The following NOS1 variants were observed in gnomAD, a reference collection of about 807,000 sequenced individuals.
NOS1 encodes nitric oxide synthase 1.
Under a neutral mutation model 164.5 loss-of-function variants are expected in NOS1, and 51 were observed. The observed-to-expected ratio is 0.31, with a 90% confidence interval of 0.25 to 0.39. The LOEUF (loss-of-function observed/expected upper bound fraction) is 0.39, where lower values mean the gene tolerates loss of function less well. Among genes scored for constraint, NOS1 ranks in the 10% least tolerant of loss-of-function variants. The pLI, the probability that NOS1 is intolerant of heterozygous loss-of-function variation, is 1.00. For missense variants in NOS1, 1,362 were observed against 1,885.6 expected (o/e 0.72, Z 5.14); for synonymous variants, 719 against 745.8 (o/e 0.96, Z 0.59).
intron 21 of NOS1, among the ~76,000 whole-genome samples, chr12:117,233,674 G>T (rs572219326): frequency 6.6e-6 from 1 of 151,908 alleles, no homozygotes; most frequent in Non-Finnish European, 1.5e-5. Context: ...TGGGTGTGGT[G>T]GCACGCGCCT....
intron 2 of NOS1, among the ~76,000 whole-genome samples, chr12:117,321,079 G>A (rs957405497): frequency 9.2e-5 from 14 of 152,132 alleles, no homozygotes; most frequent in African/African-American, 3.4e-4. Flanking sequence ...GCACGGTCTC[G>A]GCTCACGGCA....
chr12:117,265,452 A>C lies in NOS1; in HGVS notation c.2000T>G (p.Met667Arg). The change falls in exon 12 of 29, where the codon ATG becomes AGG. Residue 667 changes from methionine (M) to arginine (R), a missense_variant. Met to Arg is a moderately conservative substitution (Grantham distance 91, BLOSUM62 -1). Around this residue, in one of 4 missense-constraint regions of NOS1, gnomAD observed 737 missense variants for 1,030.3 expected, o/e 0.72. Coordinates refer to ENST00000317775, the MANE Select transcript of NOS1 (RefSeq NM_000620.5). Reference sequence around the variant, plus strand: ...CCCCCGGCAGCGGTACTCATTCTCCATGTGCTTAATGAAGGACTCGGTGGC... The same window carrying C: ...CCCCCGGCAGCGGTACTCATTCTCCCTGTGCTTAATGAAGGACTCGGTGGC... Reference protein sequence around the residue: ...HSATESFIKHMENEYRCRGGC... With the variant: ...HSATESFIKHRENEYRCRGGC... The C allele has an allele frequency of 8.8e-6, 14 of 1,585,934 alleles. No homozygotes were observed. Among genetic ancestry groups the C allele is most frequent in the Non-Finnish European group, 1.2e-5 (14 of 1,166,746 alleles).
At chr12:117,347,331 A>C (rs1161130246) in intron 1 of NOS1, among the ~76,000 whole-genome samples, 3 of 152,026 alleles carry the variant, frequency 2.0e-5, no homozygotes, top group Non-Finnish European at 2.9e-5. Context: ...CAAACAAACA[A>C]AAAACTGGAG....
At chr12:117,219,709 TCTC>T (rs1231106012) in intron 27 of NOS1, among the ~76,000 whole-genome samples, 1 of 152,088 alleles carries the variant, frequency 6.6e-6, no homozygotes, top group Non-Finnish European at 1.5e-5. Context: ...GCTCCACAGT[TCTC>T]CTCGGATCTC....
rs1184998480 is a variant in NOS1 at position 117,214,638 on chromosome 12, AC to A, written c.*670del. 8.1e-6 allele frequency: 8 copies of A among 985,170 alleles called. No individual in the cohort carries two copies. The highest frequency in any genetic ancestry group is 9.6e-6 in the Non-Finnish European group (8 of 829,920). 61.0% of individuals were successfully genotyped at this position (985,170 alleles called of 1,614,324 possible). A position where few individuals can be genotyped will look rare whatever the true frequency, so the allele number is the denominator to read the frequency against. On this transcript the variant is annotated 3_prime_UTR_variant, in exon 29 of 29. Coordinates refer to ENST00000317775, the MANE Select transcript of NOS1 (RefSeq NM_000620.5). ...TCCCACTCCTCTCCCCATGCCCTGA[AC>A]CCTTTCTAACTAGAACAATTATGGG... is the stretch of plus-strand genomic sequence containing the variant.
intron 9 of NOS1, among the ~76,000 whole-genome samples, chr12:117,273,969 A>G (rs1395710193): frequency 3.3e-5 from 5 of 152,170 alleles, no homozygotes; most frequent in African/African-American, 1.2e-4. Context: ...AACACACAGG[A>G]TTATATTAAA....
chr12:117,235,322 A>G (rs1037263650), intron 20 of NOS1, among the ~76,000 whole-genome samples: 2 of 152,176 alleles, frequency 1.3e-5, no homozygotes, highest in Non-Finnish European at 2.9e-5. Context: ...AGTATTGGGC[A>G]TAACTCCTCA....
chr12:117,253,177 A>C (rs1367563727), intron 17 of NOS1, among the ~76,000 whole-genome samples: 1 of 152,122 alleles, frequency 6.6e-6, no homozygotes, highest in East Asian at 1.9e-4. Flanking sequence ...TTCCATCGGA[A>C]TCTCTGGAGA....
At position 117,208,672 on chromosome 12, in the gene NOS1, A is replaced by G. The variant is rs1200063447; in HGVS notation, c.*6637T>C. ...GTGAGTCTTAATCAGAACCAACACC[A>G]AGGACACAGTGTCTTATTGAAACAG... On this transcript the variant is annotated 3_prime_UTR_variant, in exon 29 of 29. Coordinates refer to ENST00000317775, the MANE Select transcript of NOS1 (RefSeq NM_000620.5). The G allele has an allele frequency of 1.8e-6, 2 of 1,094,880 alleles. No homozygotes were observed. The highest frequency in any genetic ancestry group is 2.2e-6 in the Non-Finnish European group (2 of 892,684). The allele number at this position is 1,094,880 out of a possible 1,614,324, so 67.8% of individuals were successfully genotyped here. A position where few individuals can be genotyped will look rare whatever the true frequency, so the allele number is the denominator to read the frequency against.
chr12:117,360,107 G>A (rs12828499), intron 1 of NOS1, among the ~76,000 whole-genome samples: 1 of 151,102 alleles, frequency 6.6e-6, no homozygotes, highest in Non-Finnish European at 1.5e-5. Context: ...ACAAGTAAAG[G>A]GTCGATCTAG....
chr12:117,236,821 G>A (rs937013277), intron 20 of NOS1, among the ~76,000 whole-genome samples: 1 of 152,202 alleles, frequency 6.6e-6, no homozygotes, highest in Non-Finnish European at 1.5e-5. Flanking sequence ...TAGCTCACGA[G>A]CACAGCCACC....
In NOS1 at chr12:117,214,881, A is replaced by G. The variant is rs778485210; in HGVS notation, c.*428T>C. 8.1e-5 allele frequency: 80 copies of G among 991,080 alleles called. No homozygotes were observed. The highest frequency in any genetic ancestry group is 9.3e-5 in the Non-Finnish European group (78 of 835,044). The allele number at this position is 991,080 out of a possible 1,614,324, so 61.4% of individuals were successfully genotyped here. A position where few individuals can be genotyped will look rare whatever the true frequency, so the allele number is the denominator to read the frequency against. Reference sequence around the variant, plus strand: ...CACACACACACAGGCACGCACAACCAAAATGTCATCATAAAAAAGGAGAAA... The same window carrying G: ...CACACACACACAGGCACGCACAACCGAAATGTCATCATAAAAAAGGAGAAA... On this transcript the variant is annotated 3_prime_UTR_variant, in exon 29 of 29. Transcript: ENST00000317775.
rs1329684190 is a variant in NOS1 at position 117,258,968 on chromosome 12, C to T, written c.2472+58G>A. 2.4e-6 allele frequency: 3 copies of T among 1,253,492 alleles called. No homozygotes were observed. The African/African-American group carries it at 4.4e-5, about 18-fold the overall frequency. 77.6% of individuals were successfully genotyped at this position (1,253,492 alleles called of 1,614,324 possible). ...GGTGTAGGAAGAGTCTCAACCTTGG[C>T]CCCTACTTCTTCCTGATGATGGAAC... On this transcript the variant is annotated intron_variant, in intron 15 of 28. Coordinates refer to ENST00000317775, the MANE Select transcript of NOS1 (RefSeq NM_000620.5).
intron 2 of NOS1, among the ~76,000 whole-genome samples, chr12:117,315,453 A>G (rs1475385634): frequency 6.6e-6 from 1 of 152,158 alleles, no homozygotes; most frequent in Non-Finnish European, 1.5e-5. Flanking sequence ...GCCTCGAGTG[A>G]TCCACCCAGG....
At position 117,234,726 on chromosome 12, in the gene NOS1, T is replaced by C. The variant is rs1211066641; in HGVS notation, c.3074A>G (p.Asn1025Ser). The C allele has an allele frequency of 6.2e-6, 10 of 1,613,386 alleles. No homozygotes were observed. The highest frequency in any genetic ancestry group is 2.2e-5 in the East Asian group (1 of 44,834). The change falls in exon 21 of 29, where the codon AAC (asparagine) becomes AGC (serine). Residue 1025 changes from asparagine to serine, a missense_variant. By Grantham distance (46) the Asn-to-Ser change is conservative. Transcript: ENST00000317775. The surrounding 1 kb of genome is among the most constrained non-coding windows in gnomAD (Gnocchi z 4.3). ...CTGGTACTGCAGCTCCTGGCTCCCGTTGGTGTGGAGACGCACGAAGATAGT... is the reference window on the plus strand; with the variant it reads ...CTGGTACTGCAGCTCCTGGCTCCCGCTGGTGTGGAGACGCACGAAGATAGT... ...RSTIFVRLHT[N>S]GSQELQYQPG...
intron 10 of NOS1, among the ~76,000 whole-genome samples, chr12:117,270,667 C>A (rs1872723230): frequency 6.6e-6 from 1 of 151,970 alleles, no homozygotes. Context: ...AAAAAATCCC[C>A]AAGTGCAACT....
At position 117,242,742 on chromosome 12, in the gene NOS1, G is replaced by A. The variant is rs374203409; in HGVS notation, c.2963-37C>T. On this transcript the variant is annotated intron_variant, in intron 19 of 28. Coordinates refer to ENST00000317775, the MANE Select transcript of NOS1 (RefSeq NM_000620.5). ...AAAACAACAGTCTTCCTGAGAAGGG[G>A]TTGAATGTTCCATTAAAAACTCCCC... The A allele has an allele frequency of 8.2e-6, 13 of 1,590,696 alleles. No homozygotes were observed. The African/African-American group carries it at 1.7e-4, about 21-fold the overall frequency.
intron 7 of NOS1, among the ~76,000 whole-genome samples, chr12:117,283,700 A>G (rs1387294590): frequency 6.6e-6 from 1 of 152,060 alleles, no homozygotes; most frequent in African/African-American, 2.4e-5. Context: ...TACTAAAAAT[A>G]CAAAAATTAG....
chr12:117,280,470 G>A (rs1343523424), intron 8 of NOS1, among the ~76,000 whole-genome samples: 7 of 152,092 alleles, frequency 4.6e-5, no homozygotes, highest in Admixed American at 1.3e-4. Flanking sequence ...GGTGAGACTC[G>A]GTCTACCCAT....
Sources: gnomAD v4.1 joint callset for allele counts (sites outside exome capture counted in the v4.1 genomes callset) on GRCh38, gnomAD v4.1.1 for gene constraint, gnomAD v4.1.1 regional missense constraint, Gnocchi (gnomAD v3.1) non-coding constraint, MANE v1.5 for transcripts, NCBI Gene and HGNC (gene_info 2026-07-23, HGNC 2026-07-21) for gene names.